Variants in KIF6 observed in about 807,000 individuals in gnomAD.
KIF6 encodes kinesin family member 6, also known as kinesin-like protein KIF6.
KIF6 carries 106 observed loss-of-function variants against 112.7 expected under a neutral mutation model. The ratio of observed to expected loss-of-function variants is 0.94; its 90% CI spans 0.80 to 1.11. The LOEUF is 1.11. Ranked by LOEUF, KIF6 falls within the 50% of genes least tolerant of loss-of-function variation. The pLI is 0.00. For synonymous variants in KIF6, 339 were observed against 339.9 expected (o/e 1.00, Z 0.03); for missense variants, 929 against 964.0 (o/e 0.96, Z 0.48).
intron 13 of KIF6, among the ~76,000 whole-genome samples, chr6:39,436,906 G>A (rs949745568): frequency 1.3e-5 from 2 of 152,070 alleles, no homozygotes; most frequent in Admixed American, 1.3e-4. Context: ...TGTGAAAAGT[G>A]ATATTAGTAT....
At chr6:39,574,805 T>C (rs62403288) in intron 10 of KIF6, among the ~76,000 whole-genome samples, 20,988 of 152,182 alleles carry the variant, frequency 0.14, 1,555 homozygotes, top group Middle Eastern at 0.22. Flanking sequence ...AGCTATTCTC[T>C]ATGACACTTT....
At chr6:39,526,657 A>G (rs1350358415) in intron 13 of KIF6, among the ~76,000 whole-genome samples, 5 of 152,236 alleles carry the variant, frequency 3.3e-5, no homozygotes, top group Non-Finnish European at 7.3e-5. Context: ...CATCCAAGCC[A>G]TATAGCCTTC....
chr6:39,596,001 G>A lies in KIF6; in HGVS notation c.846+53C>T, dbSNP rs942752728. The stretch of plus-strand genomic sequence containing the variant: ...ATAGAATGCCTGATACATAGTATGT[G>A]GTCAACACATGGTAGCTATAGTTAT... On this transcript the variant is annotated intron_variant, in intron 7 of 22. Transcript: ENST00000287152. 1.8e-5 allele frequency: 25 copies of A among 1,367,048 alleles called. No individual in the cohort carries two copies. In the African/African-American group the frequency reaches 2.6e-4, roughly 14 times the overall value. 84.7% of individuals were successfully genotyped at this position (1,367,048 alleles called of 1,614,324 possible). A position where few individuals can be genotyped will look rare whatever the true frequency, so the allele number is the denominator to read the frequency against.
At chr6:39,576,940 T>A (rs181021289) in intron 10 of KIF6, among the ~76,000 whole-genome samples, 1 of 152,258 alleles carries the variant, frequency 6.6e-6, no homozygotes. Context: ...CAATAATTGG[T>A]AATTCCCTTC....
intron 3 of KIF6, among the ~76,000 whole-genome samples, chr6:39,669,985 G>A (rs895132631): frequency 2.0e-5 from 3 of 152,204 alleles, no homozygotes; most frequent in African/African-American, 7.2e-5. Context: ...TCTCCTCAAA[G>A]TCACTGGGAA....
chr6:39,668,897 A>G (rs1786640303), intron 3 of KIF6, among the ~76,000 whole-genome samples: 2 of 152,144 alleles, frequency 1.3e-5, no homozygotes, highest in African/African-American at 4.8e-5. Flanking sequence ...TTATGTGGAA[A>G]AAAATTTTAA....
chr6:39,685,197 A>C (rs1368554214), intron 3 of KIF6, among the ~76,000 whole-genome samples: 1 of 152,228 alleles, frequency 6.6e-6, no homozygotes, highest in Admixed American at 6.5e-5. Flanking sequence ...AGTTGGAAAA[A>C]TCAGCGATGC....
intron 15 of KIF6, among the ~76,000 whole-genome samples, chr6:39,411,224 G>A (rs1385417013): frequency 1.3e-5 from 2 of 152,230 alleles, no homozygotes; most frequent in African/African-American, 2.4e-5. Context: ...CAGGCACAGA[G>A]GGAGCAAGAG....
chr6:39,659,756 A>C (rs1158665081), intron 3 of KIF6, among the ~76,000 whole-genome samples: 1 of 152,208 alleles, frequency 6.6e-6, no homozygotes, highest in East Asian at 1.9e-4. Flanking sequence ...TCCCAGCAAA[A>C]GCAGAACTGT....
intron 15 of KIF6, among the ~76,000 whole-genome samples, chr6:39,406,816 A>C (rs1012974370): frequency 1.3e-5 from 2 of 152,172 alleles, no homozygotes; most frequent in Non-Finnish European, 2.9e-5. Flanking sequence ...TGGCACAATC[A>C]TAGCTCACTG....
chr6:39,649,745 GAAA>G (rs760064809), intron 3 of KIF6, among the ~76,000 whole-genome samples: 15 of 102,508 alleles, frequency 1.5e-4, no homozygotes, highest in South Asian at 1.3e-3. Flanking sequence ...AAGAAAGAAA[GAAA>G]GAAAGAAAGA....
At chr6:39,368,847 C>T (rs1211313503) in intron 16 of KIF6, among the ~76,000 whole-genome samples, 1 of 152,212 alleles carries the variant, frequency 6.6e-6, no homozygotes, top group Non-Finnish European at 1.5e-5. Context: ...AGAGCAAAGG[C>T]TGTGGGGCCC....
intron 10 of KIF6, among the ~76,000 whole-genome samples, chr6:39,563,329 A>G (rs574763935): frequency 1.3e-5 from 2 of 152,314 alleles, no homozygotes; most frequent in South Asian, 4.2e-4. Context: ...ATCTTTCCAG[A>G]CTTGTTTGTA....
chr6:39,704,761 T>C (rs549149906), intron 3 of KIF6, among the ~76,000 whole-genome samples: 1 of 152,338 alleles, frequency 6.6e-6, no homozygotes, highest in South Asian at 2.1e-4. Flanking sequence ...TTATATGGTC[T>C]CCCCCAATTA....
chr6:39,370,361 G>A (rs1765874700), intron 16 of KIF6, among the ~76,000 whole-genome samples: 1 of 152,140 alleles, frequency 6.6e-6, no homozygotes, highest in Non-Finnish European at 1.5e-5. Flanking sequence ...TGGTTAGTAG[G>A]GTTCCATTGA....
chr6:39,555,725 G>A (rs1428175613), intron 10 of KIF6, among the ~76,000 whole-genome samples: 1 of 152,120 alleles, frequency 6.6e-6, no homozygotes. Flanking sequence ...GGCTGAGGCA[G>A]GTGGATCATT....
chr6:39,537,833 G>T (rs931587680), intron 13 of KIF6, among the ~76,000 whole-genome samples: 185 of 152,192 alleles, frequency 1.2e-3, no homozygotes, highest in Non-Finnish European at 2.0e-3. Context: ...AGGGCTACAG[G>T]AACCAAAACA....
chr6:39,645,588 G>A (rs1276391895), intron 3 of KIF6, among the ~76,000 whole-genome samples: 1 of 152,112 alleles, frequency 6.6e-6, no homozygotes, highest in South Asian at 2.1e-4. Context: ...TTGCATCGAT[G>A]TTCATCAGGG....
intron 16 of KIF6, among the ~76,000 whole-genome samples, chr6:39,376,450 C>T (rs1766445260): frequency 6.6e-6 from 1 of 152,192 alleles, no homozygotes; most frequent in African/African-American, 2.4e-5. Flanking sequence ...GGAACTGTGC[C>T]CGGCACTGGG....
Sources: allele counts gnomAD v4.1 joint callset (sites outside exome capture counted in the v4.1 genomes callset), GRCh38; gene constraint gnomAD v4.1.1; transcripts MANE v1.5; gene names NCBI Gene and HGNC (gene_info 2026-07-23, HGNC 2026-07-21).